ERBB4: variants seen among roughly 807,000 people sequenced by gnomAD.
ERBB4 encodes the protein receptor tyrosine-protein kinase erbB-4.
In ERBB4, 42 loss-of-function variants were observed where a neutral mutation model predicts 158.0. The observed-to-expected ratio is 0.27, with a 90% confidence interval of 0.21 to 0.34. ERBB4 has a LOEUF of 0.34. Among genes scored for constraint, ERBB4 ranks in the 10% least tolerant of loss-of-function variants. The probability of loss-of-function intolerance (pLI) is 1.00; values close to 1 mark genes in which losing one functional copy is unlikely to be tolerated. For synonymous variants in ERBB4, 583 were observed against 558.7 expected (o/e 1.04, Z -0.61); for missense variants, 1,333 against 1,624.1 (o/e 0.82, Z 3.08).
chr2:211,726,131 CCA>C (rs1401943784), intron 5 of ERBB4, among the ~76,000 whole-genome samples: 1 of 152,124 alleles, frequency 6.6e-6, no homozygotes, highest in African/African-American at 2.4e-5. Flanking sequence ...TTCTGTATTT[CCA>C]CTTCAGCCTT....
rs1186896856 is a variant in ERBB4 at position 211,483,518 on chromosome 2, TTTTTGTTTGTTTTTC to T, written c.2488-52433_2488-52419del. Reference sequence around the variant, plus strand: ...ACATAAGAGTGACAGCACATTTCTTTTTTTGTTTGTTTTTCTTTTGTTTGTTTGTTTTTGGTTTTT... The same window carrying T: ...ACATAAGAGTGACAGCACATTTCTTTTTTTGTTTGTTTGTTTTTGGTTTTT... On this transcript the variant is annotated intron_variant, in intron 20 of 27. Coordinates refer to ENST00000342788, the MANE Select transcript of ERBB4 (RefSeq NM_005235.3). Among the ~76,000 whole-genome samples, 5 of 152,046 alleles carry T rather than the reference TTTTTGTTTGTTTTTC, an allele frequency of 3.3e-5. No individual in the cohort carries two copies. In the East Asian group the frequency reaches 9.7e-4, roughly 29 times the overall value.
intron 3 of ERBB4, among the ~76,000 whole-genome samples, chr2:211,890,460 T>C (rs2078933238): frequency 6.6e-6 from 1 of 151,860 alleles, no homozygotes; most frequent in South Asian, 2.1e-4. Flanking sequence ...CATGCCAAAA[T>C]GTACAGACCA....
At chr2:212,446,120 A>G (rs908206154) in intron 1 of ERBB4, among the ~76,000 whole-genome samples, 10 of 152,130 alleles carry the variant, frequency 6.6e-5, no homozygotes, top group Admixed American at 6.6e-4. Flanking sequence ...AGGCATAATT[A>G]TGACCTTATT....
intron 19 of ERBB4, among the ~76,000 whole-genome samples, chr2:211,594,817 T>A (rs781014958): frequency 6.6e-6 from 1 of 151,858 alleles, no homozygotes; most frequent in Non-Finnish European, 1.5e-5. Flanking sequence ...ATTCTTTCAT[T>A]CCCTAAAGAA....
chr2:212,523,199 T>C (rs957536194), intron 1 of ERBB4, among the ~76,000 whole-genome samples: 2 of 151,916 alleles, frequency 1.3e-5, no homozygotes, highest in Admixed American at 6.6e-5. Flanking sequence ...TGTACATCTG[T>C]CTTTTTATCT....
chr2:212,481,651 T>C (rs1180434852), intron 1 of ERBB4, among the ~76,000 whole-genome samples: 6 of 152,118 alleles, frequency 3.9e-5, no homozygotes, highest in Non-Finnish European at 7.4e-5. Context: ...AAGGAGATAA[T>C]GCCTGACACC....
At chr2:212,034,593 T>G (rs1262025388) in intron 2 of ERBB4, among the ~76,000 whole-genome samples, 1 of 152,244 alleles carries the variant, frequency 6.6e-6, no homozygotes, top group East Asian at 1.9e-4. Flanking sequence ...TATTTCTTTA[T>G]AGAAATAGAT....
At chr2:211,476,513 C>T (rs528910193) in intron 20 of ERBB4, among the ~76,000 whole-genome samples, 47 of 148,094 alleles carry the variant, frequency 3.2e-4, no homozygotes, top group Middle Eastern at 3.5e-3. Context: ...CCCTGAGTTA[C>T]AGAAGAGTAG....
chr2:211,949,133 C>A (rs2080800334), intron 2 of ERBB4, among the ~76,000 whole-genome samples: 1 of 152,142 alleles, frequency 6.6e-6, no homozygotes, highest in Admixed American at 6.6e-5. Context: ...CCTCTTACGT[C>A]ATCCATGGCT....
intron 11 of ERBB4, among the ~76,000 whole-genome samples, chr2:211,703,152 A>G (rs2073313969): frequency 6.6e-6 from 1 of 151,974 alleles, no homozygotes; most frequent in South Asian, 2.1e-4. Context: ...TGTATGCTCA[A>G]TGATAAAGAC....
At chr2:211,421,561 A>C (rs1336145027) in intron 24 of ERBB4, among the ~76,000 whole-genome samples, 1 of 151,920 alleles carries the variant, frequency 6.6e-6, no homozygotes, top group Non-Finnish European at 1.5e-5. Context: ...AAAACAAAAC[A>C]TATTTTAAAA....
At chr2:211,604,900 C>T (rs2068929216) in intron 19 of ERBB4, among the ~76,000 whole-genome samples, 1 of 152,022 alleles carries the variant, frequency 6.6e-6, no homozygotes, top group South Asian at 2.1e-4. Context: ...CATCTTGTAT[C>T]TATTTGAATT....
At chr2:211,497,180 G>A (rs2065490227) in intron 20 of ERBB4, among the ~76,000 whole-genome samples, 1 of 151,924 alleles carries the variant, frequency 6.6e-6, no homozygotes, top group Admixed American at 6.6e-5. Context: ...TTAAATATAT[G>A]TTTTGACCAA....
chr2:211,658,444 C>T (rs2071301058), intron 15 of ERBB4, among the ~76,000 whole-genome samples: 1 of 152,040 alleles, frequency 6.6e-6, no homozygotes, highest in Non-Finnish European at 1.5e-5. Flanking sequence ...ATGCTCAATG[C>T]TCATTAAAGG....
intron 2 of ERBB4, among the ~76,000 whole-genome samples, chr2:212,117,538 T>A: frequency 6.6e-6 from 1 of 152,204 alleles, no homozygotes; most frequent in Non-Finnish European, 1.5e-5. Context: ...CATTTACTTG[T>A]TCACCTTTTG....
chr2:211,758,786 A>G (rs542442573), intron 4 of ERBB4, among the ~76,000 whole-genome samples: 1 of 152,336 alleles, frequency 6.6e-6, no homozygotes, highest in South Asian at 2.1e-4. Context: ...GCAGTGCACA[A>G]CCTGTTCAGC....
chr2:211,961,116 T>G (rs929654721), intron 2 of ERBB4, among the ~76,000 whole-genome samples: 160 of 152,204 alleles, frequency 1.1e-3, no homozygotes, highest in African/African-American at 3.7e-3. Flanking sequence ...CTTTATGAAT[T>G]AATGGTTCTA....
intron 1 of ERBB4, among the ~76,000 whole-genome samples, chr2:212,376,221 CACTT>C (rs550155360): frequency 1.3e-5 from 2 of 151,950 alleles, no homozygotes; most frequent in Non-Finnish European, 2.9e-5. Context: ...AAATTTTAAA[CACTT>C]ACAACAGGAA....
chr2:211,470,027 G>T (rs141292001), intron 20 of ERBB4, among the ~76,000 whole-genome samples: 3 of 151,836 alleles, frequency 2.0e-5, no homozygotes, highest in Non-Finnish European at 4.4e-5. Context: ...GTACAAGTAG[G>T]TTCTTTCCTT....
Sources: gnomAD v4.1 joint callset for allele counts (sites outside exome capture counted in the v4.1 genomes callset) on GRCh38, gnomAD v4.1.1 for gene constraint, MANE v1.5 for transcripts, NCBI Gene and HGNC (gene_info 2026-07-23, HGNC 2026-07-21) for gene names.